Variants in PTPRD observed in about 807,000 individuals in gnomAD.
PTPRD encodes the protein protein tyrosine phosphatase receptor type D.
PTPRD carries 34 observed loss-of-function variants against 214.5 expected under a neutral mutation model. That is an observed-to-expected ratio of 0.16 (90% CI 0.12 to 0.21). The LOEUF is 0.21. PTPRD is among the 10% of genes least tolerant of loss of function. The pLI is 1.00. For synonymous variants in PTPRD, 1,128 were observed against 845.7 expected (o/e 1.33, Z -5.79); for missense variants, 2,545 against 2,398.7 (o/e 1.06, Z -1.27).
intron 2 of PTPRD, among the ~76,000 whole-genome samples, chr9:10,446,740 A>T (rs1229181418): frequency 6.6e-6 from 1 of 152,082 alleles, no homozygotes; most frequent in Non-Finnish European, 1.5e-5. Flanking sequence ...ACCTCAGGAG[A>T]CTTTTGCATA....
At chr9:10,431,821 C>A (rs1340742947) in intron 2 of PTPRD, among the ~76,000 whole-genome samples, 4 of 152,036 alleles carry the variant, frequency 2.6e-5, no homozygotes, top group African/African-American at 9.7e-5. Context: ...AATAGGAAGA[C>A]TTTTACACTG....
At chr9:10,264,139 G>C (rs542852788) in intron 3 of PTPRD, among the ~76,000 whole-genome samples, 1 of 152,202 alleles carries the variant, frequency 6.6e-6, no homozygotes, top group Non-Finnish European at 1.5e-5. Flanking sequence ...CAGGAGTGGA[G>C]TCCTCATGGA....
chr9:8,332,602 T>TCTGA (rs1263949231), intron 43 of PTPRD, among the ~76,000 whole-genome samples: 2 of 152,046 alleles, frequency 1.3e-5, no homozygotes, highest in Non-Finnish European at 2.9e-5. Context: ...GTAAAACTGC[T>TCTGA]CTGACTCACG....
At chr9:8,875,516 T>A (rs2098379286) in intron 11 of PTPRD, among the ~76,000 whole-genome samples, 1 of 152,172 alleles carries the variant, frequency 6.6e-6, no homozygotes, top group Non-Finnish European at 1.5e-5. Flanking sequence ...CTTCAGTTCA[T>A]CCGATACCTA....
At chr9:8,593,700 A>G (rs2094286041) in intron 14 of PTPRD, among the ~76,000 whole-genome samples, 1 of 152,204 alleles carries the variant, frequency 6.6e-6, no homozygotes, top group Admixed American at 6.5e-5. Context: ...GAGGAGTGGT[A>G]GATTTTCAAT....
intron 10 of PTPRD, among the ~76,000 whole-genome samples, chr9:9,097,148 T>C (rs773217897): frequency 1.3e-5 from 2 of 152,146 alleles, no homozygotes; most frequent in Non-Finnish European, 2.9e-5. Context: ...CAGGGGCTGA[T>C]TCCTAGGCAT....
At chr9:9,702,237 CACTT>C (rs1335979072) in intron 7 of PTPRD, among the ~76,000 whole-genome samples, 2 of 152,102 alleles carry the variant, frequency 1.3e-5, no homozygotes, top group Non-Finnish European at 2.9e-5. Flanking sequence ...TAGTTGAAGT[CACTT>C]AGGGAGAGGG....
At chr9:10,373,191 G>C (rs58977652) in intron 2 of PTPRD, among the ~76,000 whole-genome samples, 4,692 of 148,656 alleles carry the variant, frequency 0.032, 260 homozygotes, top group African/African-American at 0.11. Context: ...TCAACATAAA[G>C]CATAATATAT....
chr9:9,562,974 C>G (rs912520961), intron 8 of PTPRD, among the ~76,000 whole-genome samples: 2 of 152,164 alleles, frequency 1.3e-5, no homozygotes, highest in African/African-American at 4.8e-5. Flanking sequence ...GTCTAGAACA[C>G]AGTAGCTGCT....
At chr9:9,053,164 A>G (rs1282641510) in intron 10 of PTPRD, among the ~76,000 whole-genome samples, 1 of 152,158 alleles carries the variant, frequency 6.6e-6, no homozygotes, top group Non-Finnish European at 1.5e-5. Flanking sequence ...TGTTTGCAAA[A>G]TGTTTGAATA....
At chr9:9,346,449 A>T (rs1481367059) in intron 9 of PTPRD, among the ~76,000 whole-genome samples, 1 of 152,156 alleles carries the variant, frequency 6.6e-6, no homozygotes, top group Non-Finnish European at 1.5e-5. Context: ...CAAAACCACT[A>T]ATGCAATTAA....
intron 2 of PTPRD, among the ~76,000 whole-genome samples, chr9:10,500,525 A>G (rs2043340219): frequency 6.6e-6 from 1 of 151,940 alleles, no homozygotes; most frequent in Non-Finnish European, 1.5e-5. Flanking sequence ...CATCCCATCA[A>G]GCATTTATCC....
chr9:8,443,258 G>A (rs935644949), intron 34 of PTPRD, among the ~76,000 whole-genome samples: 3 of 152,104 alleles, frequency 2.0e-5, no homozygotes, highest in African/African-American at 7.2e-5. Context: ...AAAACAGAAA[G>A]GACACATCCG....
chr9:9,918,851 G>A (rs2081721380), intron 5 of PTPRD, among the ~76,000 whole-genome samples: 1 of 152,238 alleles, frequency 6.6e-6, no homozygotes, highest in East Asian at 1.9e-4. Flanking sequence ...ATAGCCACCT[G>A]CAGAAGAATT....
At chr9:9,872,411 G>A (rs2065711107) in intron 5 of PTPRD, among the ~76,000 whole-genome samples, 1 of 150,588 alleles carries the variant, frequency 6.6e-6, no homozygotes, top group African/African-American at 2.5e-5. Flanking sequence ...ACAAGCCTAA[G>A]CAACATAGTG....
chr9:9,915,923 C>G (rs1238041808), intron 5 of PTPRD, among the ~76,000 whole-genome samples: 1 of 151,736 alleles, frequency 6.6e-6, no homozygotes. Context: ...GCATTATAGT[C>G]AAGTTGAAGA....
At chr9:8,436,190 T>C (rs1415397655) in intron 35 of PTPRD, among the ~76,000 whole-genome samples, 1 of 151,418 alleles carries the variant, frequency 6.6e-6, no homozygotes, top group African/African-American at 2.4e-5. Flanking sequence ...TGATTACCAA[T>C]GGAGGGCTGG....
intron 3 of PTPRD, among the ~76,000 whole-genome samples, chr9:10,050,559 C>CAAAAAAAAAAAAAAAA (rs1164243746): frequency 1.2e-3 from 17 of 14,000 alleles, no homozygotes; most frequent in East Asian, 8.1e-3. Flanking sequence ...GAGTCTGTCT[C>CAAAAAAAAAAAAAAAA]AAAAAAAAAA....
At chr9:8,961,739 T>C (rs1357396641) in intron 11 of PTPRD, among the ~76,000 whole-genome samples, 2 of 152,112 alleles carry the variant, frequency 1.3e-5, no homozygotes, top group Admixed American at 6.6e-5. Flanking sequence ...ACTGTTACTA[T>C]AATTTTGTCG....
Sources: allele counts gnomAD v4.1 joint callset (sites outside exome capture counted in the v4.1 genomes callset), GRCh38; gene constraint gnomAD v4.1.1; transcripts MANE v1.5; gene names NCBI Gene and HGNC (gene_info 2026-07-23, HGNC 2026-07-21).